Variants in PAPPA observed in about 807,000 individuals in gnomAD.
PAPPA encodes the protein pappalysin-1.
In PAPPA, 60 loss-of-function variants were observed where a neutral mutation model predicts 164.0. The ratio of observed to expected loss-of-function variants is 0.37; its 90% CI spans 0.30 to 0.45. The LOEUF (loss-of-function observed/expected upper bound fraction) is 0.45, where lower values mean the gene tolerates loss of function less well. Ranked by LOEUF, PAPPA falls within the 20% of genes least tolerant of loss-of-function variation. The pLI is 1.00. For synonymous variants in PAPPA, 875 were observed against 814.1 expected (o/e 1.07, Z -1.27); for missense variants, 1,782 against 2,087.3 (o/e 0.85, Z 2.85).
At position 116,362,593 on chromosome 9, in the gene PAPPA, G is replaced by A. The variant is rs1846442243; in HGVS notation, c.4349G>A (p.Gly1450Glu). The A allele has an allele frequency of 1.9e-6, 3 of 1,613,192 alleles. No individual in the cohort carries two copies. The highest frequency in any genetic ancestry group is 1.7e-6 in the Non-Finnish European group (2 of 1,179,580). Residue 1450 changes from glycine (G) to glutamate (E), a missense_variant and splice_region_variant, in exon 18 of 22, where the codon GGA becomes GAA. Gly to Glu is a moderately conservative substitution (Grantham distance 98, BLOSUM62 -2). This residue lies in a region of PAPPA where 1,324 missense variants were observed against 1,656.9 expected (regional missense o/e 0.80). Coordinates refer to ENST00000328252, the MANE Select transcript of PAPPA (RefSeq NM_002581.5). ...IKCEDSDASQ[G>E]LGSNVIHCRK... Reference sequence around the variant, plus strand: ...TAACTCTGTTTCTCTGTTGTTCAGGGACTTGGGAGCAATGTCATTCATTGC... The same window carrying A: ...TAACTCTGTTTCTCTGTTGTTCAGGAACTTGGGAGCAATGTCATTCATTGC...
At position 116,289,299 on chromosome 9, in the gene PAPPA, T is replaced by TATGGCATATAA. The variant is rs1564212320; in HGVS notation, c.2954-13456_2954-13455insGGCATATAAAT. Among the ~76,000 whole-genome samples the TATGGCATATAA allele has an allele frequency of 4.1e-3, 597 of 144,056 alleles. 16 individuals carry two copies. Among genetic ancestry groups the TATGGCATATAA allele is most frequent in the African/African-American group, 0.014 (559 of 39,282 alleles). 94.5% of individuals were successfully genotyped at this position (144,056 alleles called of 152,430 possible). On this transcript the variant is annotated intron_variant, in intron 9 of 21. Transcript: ENST00000328252. ...ATATATAGCATATAAATAGCATATA[T>TATGGCATATAA]ATAGCATATATATGGCATATATATG...
chr9:116,196,111 A>C (rs745629967), intron 2 of PAPPA, among the ~76,000 whole-genome samples: 3 of 152,154 alleles, frequency 2.0e-5, no homozygotes, highest in African/African-American at 7.2e-5. Context: ...ACACCAACCA[A>C]GGCTCTCTCC....
intron 2 of PAPPA, among the ~76,000 whole-genome samples, chr9:116,195,632 C>A (rs953595907): frequency 6.6e-6 from 1 of 152,130 alleles, no homozygotes; most frequent in Non-Finnish European, 1.5e-5. Flanking sequence ...ACACAGTCAA[C>A]CTTTTAGGAC....
rs141476669 is a variant in PAPPA, at chr9:116,258,381, G to T, written c.2733-7476G>T. 5.9e-3 allele frequency among the ~76,000 whole-genome samples: 901 copies of T among 152,236 alleles called. 8 individuals carry two copies. Among genetic ancestry groups the T allele is most frequent in the African/African-American group, 0.02 (848 of 41,588 alleles). ...ATAAAAAATAGACCAATGAGGCTGG[G>T]TGGCATGGCTCATGCCTGTAATCCC... On this transcript the variant is annotated intron_variant, in intron 7 of 21. Coordinates refer to ENST00000328252, the MANE Select transcript of PAPPA (RefSeq NM_002581.5).
At chr9:116,338,068 G>C (rs1846084516) in intron 13 of PAPPA, among the ~76,000 whole-genome samples, 1 of 152,152 alleles carries the variant, frequency 6.6e-6, no homozygotes, top group African/African-American at 2.4e-5. Context: ...TGAGGCTCCA[G>C]TATCTGTCAC....
chr9:116,335,750 C>G (rs1337897495), intron 13 of PAPPA, among the ~76,000 whole-genome samples: 1 of 152,160 alleles, frequency 6.6e-6, no homozygotes, highest in Non-Finnish European at 1.5e-5. Context: ...CTCCACATTA[C>G]CACTTCTTGA....
chr9:116,207,410 T>TTTAAATAGTAC, intron 2 of PAPPA, 46 bp from the exon 3 acceptor site: 4 of 1,561,252 alleles, frequency 2.6e-6, no homozygotes, highest in Non-Finnish European at 3.5e-6. Context: ...GGGCCTGTTA[T>TTTAAATAGTAC]CTTTTTGGGG....
Position 116,271,276 on chromosome 9 carries a change from T to G in PAPPA, c.2862-49T>G. On this transcript the variant is annotated intron_variant, in intron 8 of 21. Coordinates refer to ENST00000328252, the MANE Select transcript of PAPPA (RefSeq NM_002581.5). This position sits in a 1 kb window ranked among gnomAD's most constrained non-coding sequence, Gnocchi z 4.2. ...GGAGGGACTTTTCCATGTCCAGCCA[T>G]GGTTTTAAGACTAAATTGGCAAATT... 7.5e-7 allele frequency: 1 copy of G among 1,332,534 alleles called. No homozygotes were observed. Among genetic ancestry groups the G allele is most frequent in the East Asian group, 2.3e-5 (1 of 43,572 alleles). 82.5% of individuals were successfully genotyped at this position (1,332,534 alleles called of 1,614,324 possible). A position where few individuals can be genotyped will look rare whatever the true frequency, so the allele number is the denominator to read the frequency against.
chr9:116,278,299 G>T (rs549367054), intron 9 of PAPPA, among the ~76,000 whole-genome samples: 16 of 152,340 alleles, frequency 1.1e-4, no homozygotes, highest in Non-Finnish European at 1.6e-4. Context: ...GAGGCGTTGA[G>T]AGGTTAAGTG....
At chr9:116,272,982 G>A (rs547358722) in intron 9 of PAPPA, among the ~76,000 whole-genome samples, 18 of 152,072 alleles carry the variant, frequency 1.2e-4, no homozygotes, top group Non-Finnish European at 2.1e-4. Flanking sequence ...TTTTTGAGGT[G>A]GGTGACTGAA....
At chr9:116,369,987 C>T (rs1333732476) in intron 19 of PAPPA, among the ~76,000 whole-genome samples, 1 of 152,200 alleles carries the variant, frequency 6.6e-6, no homozygotes, top group Non-Finnish European at 1.5e-5. Context: ...GCCTCTGCTG[C>T]ACCCTTGCCC....
rs202244318 is a variant in PAPPA, at chr9:116,344,555, C to T, written c.3624C>T (p.Phe1208=). ...YSPAEQSCVH[F]ACEKTDCPEL... is the part of the protein sequence containing the mutation. Reference sequence around the variant, plus strand: ...CTTTCCTCCCCAGCTGCGTGCACTTCGCATGTGAGAAAACTGACTGTCCAG... The same window carrying T: ...CTTTCCTCCCCAGCTGCGTGCACTTTGCATGTGAGAAAACTGACTGTCCAG... The change falls in exon 14 of 22, where the codon TTC becomes TTT. Residue 1208 remains phenylalanine, a synonymous_variant. Transcript: ENST00000328252. 5.0e-6 allele frequency: 8 copies of T among 1,613,336 alleles called. No individual in the cohort carries two copies. The highest frequency in any genetic ancestry group is 1.3e-5 in the African/African-American group (1 of 74,914).
At chr9:116,327,976 A>G (rs1467370263) in intron 10 of PAPPA, among the ~76,000 whole-genome samples, 1 of 152,372 alleles carries the variant, frequency 6.6e-6, no homozygotes, top group African/African-American at 2.4e-5. Flanking sequence ...ACAAAACAAA[A>G]TAGGAAAACA....
chr9:116,368,134 G>A (rs1413504771), intron 19 of PAPPA, among the ~76,000 whole-genome samples: 1 of 152,148 alleles, frequency 6.6e-6, no homozygotes, highest in Non-Finnish European at 1.5e-5. Context: ...TCATAAGGAT[G>A]GTGTTGTATG....
chr9:116,362,256 TA>T (rs111886942), intron 17 of PAPPA, among the ~76,000 whole-genome samples: 81 of 149,654 alleles, frequency 5.4e-4, no homozygotes, highest in African/African-American at 1.5e-3. Context: ...CCTCTCAATT[TA>T]AAAAAAAAAC....
At chr9:116,227,868 A>G (rs1442632744) in intron 6 of PAPPA, among the ~76,000 whole-genome samples, 1 of 152,198 alleles carries the variant, frequency 6.6e-6, no homozygotes, top group East Asian at 1.9e-4. Flanking sequence ...TCAGACCCCA[A>G]CTGCTTGTAG....
At chr9:116,296,127 C>T (rs981347098) in intron 9 of PAPPA, among the ~76,000 whole-genome samples, 2 of 152,198 alleles carry the variant, frequency 1.3e-5, no homozygotes, top group Non-Finnish European at 2.9e-5. Context: ...GAGAAGCAAT[C>T]CCTTGGGGTT....
At chr9:116,342,594 T>A (rs1473918854) in intron 13 of PAPPA, among the ~76,000 whole-genome samples, 2 of 152,064 alleles carry the variant, frequency 1.3e-5, no homozygotes, top group Non-Finnish European at 2.9e-5. Flanking sequence ...GGGTAGAGAA[T>A]AGGAATAGAT....
chr9:116,204,526 T>C (rs900590605), intron 2 of PAPPA, among the ~76,000 whole-genome samples: 5 of 152,166 alleles, frequency 3.3e-5, no homozygotes, highest in African/African-American at 1.2e-4. Context: ...GCAATCCTCC[T>C]GTCTCGGCCT....
Sources: gnomAD v4.1 joint callset for allele counts (sites outside exome capture counted in the v4.1 genomes callset) on GRCh38, gnomAD v4.1.1 for gene constraint, gnomAD v4.1.1 regional missense constraint, Gnocchi (gnomAD v3.1) non-coding constraint, MANE v1.5 for transcripts, NCBI Gene and HGNC (gene_info 2026-07-23, HGNC 2026-07-21) for gene names.